SLIT2: variants seen among roughly 807,000 people sequenced by gnomAD.
SLIT2 encodes slit homolog 2 protein.
SLIT2 carries 41 observed loss-of-function variants against 185.7 expected under a neutral mutation model. The observed-to-expected ratio is 0.22, with a 90% CI of 0.17 to 0.29. The LOEUF (loss-of-function observed/expected upper bound fraction) is 0.29. SLIT2 is among the 10% of genes least tolerant of loss of function. SLIT2 has a pLI of 1.00. For synonymous variants in SLIT2, 693 were observed against 680.2 expected, an observed-to-expected ratio of 1.02 and a Z score of -0.29; for missense variants, 1,571 against 1,909.0, an observed-to-expected ratio of 0.82 and a Z score of 3.30.
intron 3 of SLIT2, among the ~76,000 whole-genome samples, chr4:20,260,179 G>T (rs1712295888): frequency 6.6e-6 from 1 of 151,738 alleles, no homozygotes; most frequent in East Asian, 1.9e-4. Flanking sequence ...TAATCAAACT[G>T]CTATGGCCTG....
intron 4 of SLIT2, among the ~76,000 whole-genome samples, chr4:20,466,208 C>G (rs1460599810): frequency 1.3e-5 from 2 of 151,908 alleles, no homozygotes; most frequent in African/African-American, 4.8e-5. Flanking sequence ...GTCATCGAGG[C>G]TTTTAAATAT....
intron 3 of SLIT2, among the ~76,000 whole-genome samples, chr4:20,262,062 AAC>A (rs1263148251): frequency 6.6e-6 from 1 of 151,892 alleles, no homozygotes; most frequent in Non-Finnish European, 1.5e-5. Context: ...AGGAATCTTG[AAC>A]AGTCAAGCTG....
In SLIT2 at chr4:20,603,852, G is replaced by A. The variant is rs148440909; in HGVS notation, c.3692+5457G>A. On this transcript the variant is annotated intron_variant, in intron 33 of 36. Transcript: ENST00000504154. The stretch of plus-strand genomic sequence containing the variant: ...TGTATCTGAGAAGTTCAGTCTCATT[G>A]GGGAGACAGAGAGTAGACAGAATCT... Among the ~76,000 whole-genome samples the A allele has an allele frequency of 3.0e-4, 45 of 152,268 alleles. No homozygotes were observed. In the East Asian group the frequency reaches 8.5e-3, roughly 29 times the overall value.
At chr4:20,410,298 G>C (rs1281402959) in intron 4 of SLIT2, among the ~76,000 whole-genome samples, 2 of 136,650 alleles carry the variant, frequency 1.5e-5, no homozygotes, top group African/African-American at 2.8e-5. Context: ...ACCCAGGCTG[G>C]AGTGCAGTGG....
At chr4:20,371,992 A>G (rs977910414) in intron 4 of SLIT2, among the ~76,000 whole-genome samples, 4 of 152,144 alleles carry the variant, frequency 2.6e-5, no homozygotes, top group Admixed American at 2.0e-4. Context: ...TGTTTTTAAC[A>G]AAAAGAGAGA....
At position 20,596,430 on chromosome 4, in the gene SLIT2, G is replaced by A. The variant is rs151150739; in HGVS notation, c.3336G>A (p.Glu1112=). 1,169 of 1,613,586 alleles carry A rather than the reference G, an allele frequency of 7.2e-4. No homozygotes were observed. Among genetic ancestry groups the A allele is most frequent in the Non-Finnish European group, 8.7e-4 (1,029 of 1,179,902 alleles). Residue 1112 remains glutamate (E), a synonymous_variant, in exon 32 of 37, where the codon GAG becomes GAA. Coordinates refer to ENST00000504154, the MANE Select transcript of SLIT2 (RefSeq NM_004787.4). ...CPEGYSGLFC[E]FSPPMVLPRT... ...TATTCTTCAGTGGCTTGTTCTGTGA[G>A]TTTTCTCCACCCATGGTCCTCCCTC...
At chr4:20,428,138 C>T (rs563495740) in intron 4 of SLIT2, among the ~76,000 whole-genome samples, 1 of 152,330 alleles carries the variant, frequency 6.6e-6, no homozygotes, top group Admixed American at 6.5e-5. Flanking sequence ...GATCTCCGTA[C>T]TTACAGCTCT....
intron 4 of SLIT2, among the ~76,000 whole-genome samples, chr4:20,316,214 A>G (rs1022835866): frequency 3.3e-5 from 5 of 152,068 alleles, no homozygotes; most frequent in Non-Finnish European, 7.4e-5. Context: ...AGGAGTTTAC[A>G]CTTCTGCAGG....
In SLIT2 at chr4:20,595,739, C is replaced by A. The variant is rs111890803; in HGVS notation, c.3225C>A (p.Ile1075=). ...GGTACGTAGGTGAACACTGCGACAT[C>A]GATTTTGACGACTGCCAAGACAACA... The part of the protein sequence containing the change: ...TPGYVGEHCD[I]DFDDCQDNKC... Residue 1075 remains isoleucine (I), a synonymous_variant, in exon 31 of 37, where the codon ATC becomes ATA. Transcript: ENST00000504154. The A allele has an allele frequency of 1.1e-5, 17 of 1,613,936 alleles. No homozygotes were observed. Among genetic ancestry groups the A allele is most frequent in the South Asian group, 4.4e-5 (4 of 91,086 alleles).
At chr4:20,613,663 G>A (rs1433530328) in intron 34 of SLIT2, among the ~76,000 whole-genome samples, 1 of 152,068 alleles carries the variant, frequency 6.6e-6, no homozygotes, top group African/African-American at 2.4e-5. Flanking sequence ...TTGGTGGGGA[G>A]TGTAACCCTC....
chr4:20,598,286 G>A lies in SLIT2; in HGVS notation c.3583G>A (p.Gly1195Arg), dbSNP rs547207452. ...TLQIATDEDSGILLYKGDKDH... is the reference protein window; with the variant it reads ...TLQIATDEDSRILLYKGDKDH... ...CTAGATTGCCACAGATGAAGACAGCGGAATCCTCCTGTATAAGGGTGACAA... is the reference window on the plus strand; with the variant it reads ...CTAGATTGCCACAGATGAAGACAGCAGAATCCTCCTGTATAAGGGTGACAA... The change falls in exon 33 of 37, where the codon GGA becomes AGA. Residue 1195 changes from glycine (G) to arginine (R), a missense_variant. Gly to Arg is a moderately radical substitution (Grantham distance 125). Transcript: ENST00000504154. The A allele has an allele frequency of 1.2e-6, 2 of 1,613,948 alleles. No individual in the cohort carries two copies. Among genetic ancestry groups the A allele is most frequent in the East Asian group, 2.2e-5 (1 of 44,870 alleles).
At position 20,332,656 on chromosome 4, in the gene SLIT2, A is replaced by G. The variant is rs1456725527; in HGVS notation, c.395+63775A>G. 3.3e-5 allele frequency among the ~76,000 whole-genome samples: 5 copies of G among 152,236 alleles called. No individual in the cohort carries two copies. In the East Asian group the frequency reaches 9.7e-4, roughly 29 times the overall value. ...GCCACTGCATTCCAGCCTGGGCAAC[A>G]AAGTGAGACTCCTTCTCAAAAAAAA... On this transcript the variant is annotated intron_variant, in intron 4 of 36. Coordinates refer to ENST00000504154, the MANE Select transcript of SLIT2 (RefSeq NM_004787.4).
intron 30 of SLIT2, among the ~76,000 whole-genome samples, chr4:20,594,454 C>G (rs774973773): frequency 3.9e-5 from 6 of 151,910 alleles, no homozygotes; most frequent in Admixed American, 1.3e-4. Context: ...ATCAAAAACA[C>G]TCTTGGAAGC....
chr4:20,506,697 CA>C (rs1028525670), intron 9 of SLIT2, among the ~76,000 whole-genome samples: 10 of 151,794 alleles, frequency 6.6e-5, no homozygotes, highest in African/African-American at 2.4e-4. Flanking sequence ...TCTAAAGACC[CA>C]AAAGTTTGCA....
chr4:20,369,200 T>G (rs1397277237), intron 4 of SLIT2, among the ~76,000 whole-genome samples: 2 of 152,024 alleles, frequency 1.3e-5, no homozygotes, highest in Admixed American at 1.3e-4. Context: ...GGAAGTTCCT[T>G]CTGGTTTGTG....
At chr4:20,618,655 G>A in intron 36 of SLIT2, 113 bp from the exon 37 acceptor site, 1 of 1,096,762 alleles carries the variant, frequency 9.1e-7, no homozygotes, top group Non-Finnish European at 1.3e-6. Flanking sequence ...AATATGTAAA[G>A]CAAGTTACAA....
chr4:20,551,390 C>T (rs1723741128), intron 25 of SLIT2, among the ~76,000 whole-genome samples: 2 of 152,184 alleles, frequency 1.3e-5, no homozygotes, highest in Admixed American at 6.5e-5. Flanking sequence ...AAGACACAGC[C>T]AAATACTTAG....
chr4:20,287,033 C>T (rs1419606727), intron 4 of SLIT2, among the ~76,000 whole-genome samples: 1 of 152,124 alleles, frequency 6.6e-6, no homozygotes, highest in Non-Finnish European at 1.5e-5. Context: ...CATTATTTTC[C>T]TGTAAACTTA....
intron 21 of SLIT2, 87 bp downstream of exon 21, chr4:20,542,713 A>G (rs973588982): frequency 5.9e-6 from 8 of 1,349,330 alleles, no homozygotes; most frequent in African/African-American, 1.5e-5. Flanking sequence ...AAATCTTTAC[A>G]ATCTTCTTTA....
Sources: gnomAD v4.1 joint callset for allele counts (sites outside exome capture counted in the v4.1 genomes callset) on GRCh38, gnomAD v4.1.1 for gene constraint, MANE v1.5 for transcripts, NCBI Gene and HGNC (gene_info 2026-07-23, HGNC 2026-07-21) for gene names.